The following AAMDC variants were observed in gnomAD, a reference collection of about 807,000 sequenced individuals.
AAMDC encodes the protein adipogenesis associated Mth938 domain containing.
AAMDC carries 16 observed loss-of-function variants against 15.5 expected under a neutral mutation model. The ratio of observed to expected loss-of-function variants is 1.03; its 90% CI spans 0.70 to 1.57. AAMDC has a LOEUF of 1.57. Ranked by LOEUF, AAMDC falls within the 40% of genes most tolerant of loss-of-function variation. The probability of loss-of-function intolerance (pLI) is 0.00; values close to 1 mark genes in which losing one functional copy is unlikely to be tolerated. For synonymous variants in AAMDC, 51 were observed against 51.6 expected (o/e 0.99, Z 0.05); for missense variants, 141 against 144.9 (o/e 0.97, Z 0.14).
intron 5 of AAMDC, among the ~76,000 whole-genome samples, chr11:77,887,962 T>G (rs1404229921): frequency 2.6e-5 from 4 of 152,126 alleles, no homozygotes; most frequent in Non-Finnish European, 1.5e-5. Flanking sequence ...TGCTCATGGG[T>G]AGGAAGAATC....
At chr11:77,898,453 C>A (rs1400643384) in intron 5 of AAMDC, among the ~76,000 whole-genome samples, 1 of 152,162 alleles carries the variant, frequency 6.6e-6, no homozygotes, top group South Asian at 2.1e-4. Flanking sequence ...TGAGCCACTG[C>A]GCCCGGCCAA....
intron 5 of AAMDC, chr11:77,884,664 G>A (rs1951923098): frequency 4.5e-6 from 1 of 223,302 alleles, no homozygotes; most frequent in South Asian, 5.7e-5. Context: ...GGTCAATGTT[G>A]AAACTGCGGA....
At chr11:77,850,640 T>C (rs2136187344) in intron 2 of AAMDC, 1 of 152,296 alleles carries the variant, frequency 6.6e-6, no homozygotes, top group Non-Finnish European at 1.5e-5. Flanking sequence ...CAACTTTTTA[T>C]TTTGAAAAAT....
intron 1 of AAMDC, among the ~76,000 whole-genome samples, chr11:77,840,466 T>C (rs1033295012): frequency 3.2e-4 from 49 of 152,068 alleles, no homozygotes; most frequent in African/African-American, 1.2e-3. Context: ...GAGGTGGAGG[T>C]TGCAGTGAGC....
chr11:77,821,919 T>TAA (rs1366751894), intron 1 of AAMDC, among the ~76,000 whole-genome samples: 3 of 152,056 alleles, frequency 2.0e-5, no homozygotes, highest in African/African-American at 7.2e-5. Flanking sequence ...TTTGAACTCC[T>TAA]TAGAGTGGGG....
chr11:77,840,680 A>T (rs2136127801), intron 1 of AAMDC, among the ~76,000 whole-genome samples: 1 of 152,296 alleles, frequency 6.6e-6, no homozygotes, highest in Non-Finnish European at 1.5e-5. Flanking sequence ...ATGTGCTGGG[A>T]TTACAGGCAT....
downstream of AAMDC, among the ~76,000 whole-genome samples, chr11:77,902,377 T>C (rs1208450952): frequency 2.0e-5 from 3 of 152,210 alleles, no homozygotes; most frequent in Non-Finnish European, 2.9e-5. Context: ...ATCCTTCCAA[T>C]GTGGCTCAAT....
chr11:77,889,263 A>G (rs1246445809), intron 5 of AAMDC, among the ~76,000 whole-genome samples: 1 of 152,082 alleles, frequency 6.6e-6, no homozygotes, highest in African/African-American at 2.4e-5. Flanking sequence ...TGATGAAACT[A>G]GAAACCATCA....
intron 5 of AAMDC, among the ~76,000 whole-genome samples, chr11:77,886,828 C>A (rs974304671): frequency 6.6e-6 from 1 of 152,138 alleles, no homozygotes; most frequent in African/African-American, 2.4e-5. Flanking sequence ...GGAAACTGAA[C>A]AACCTGCTCC....
intron 2 of AAMDC, among the ~76,000 whole-genome samples, chr11:77,865,444 T>G (rs1029829836): frequency 6.6e-6 from 1 of 152,188 alleles, no homozygotes; most frequent in Non-Finnish European, 1.5e-5. Context: ...ATGGCAGGGC[T>G]CTAACTTGCA....
intron 2 of AAMDC, among the ~76,000 whole-genome samples, chr11:77,858,244 G>C (rs1433030116): frequency 6.8e-6 from 1 of 147,998 alleles, no homozygotes. Flanking sequence ...ACCCAGGCTG[G>C]AGTGCAGTTG....
At chr11:77,862,290 C>T (rs964992027) in intron 2 of AAMDC, among the ~76,000 whole-genome samples, 3 of 152,208 alleles carry the variant, frequency 2.0e-5, no homozygotes, top group Non-Finnish European at 4.4e-5. Context: ...GATGGCACTT[C>T]TCTCATTTGG....
intron 2 of AAMDC, among the ~76,000 whole-genome samples, chr11:77,842,878 T>C (rs1949992841): frequency 6.6e-6 from 1 of 152,358 alleles, no homozygotes; most frequent in South Asian, 2.1e-4. Context: ...TTCCAGAATA[T>C]ATTTATCACC....
downstream of AAMDC, among the ~76,000 whole-genome samples, chr11:77,876,218 G>A (rs912140146): frequency 2.6e-5 from 4 of 152,122 alleles, no homozygotes; most frequent in African/African-American, 9.7e-5. Flanking sequence ...CTGGGTGCAT[G>A]CTAGACCACT....
chr11:77,877,016 G>A (rs1251719423), downstream of AAMDC: 2 of 703,046 alleles, frequency 2.8e-6, no homozygotes, highest in African/African-American at 3.5e-5. Context: ...CCTGGCTACA[G>A]CTTCATGGCA....
chr11:77,826,976 A>G (rs1235480557), intron 1 of AAMDC, among the ~76,000 whole-genome samples: 2 of 152,042 alleles, frequency 1.3e-5, no homozygotes, highest in Non-Finnish European at 2.9e-5. Flanking sequence ...GTGGTGGCAC[A>G]CACCCGTCGT....
downstream of AAMDC, chr11:77,903,432 C>T: frequency 6.2e-7 from 1 of 1,607,822 alleles, no homozygotes; most frequent in Non-Finnish European, 8.5e-7. Context: ...CACAACTTTT[C>T]CTGCAAGGCC....
At chr11:77,847,309 T>C (rs542946415) in intron 2 of AAMDC, among the ~76,000 whole-genome samples, 11 of 152,362 alleles carry the variant, frequency 7.2e-5, no homozygotes, top group African/African-American at 2.6e-4. Flanking sequence ...AGGATGTTTA[T>C]TTTTATCTGG....
chr11:77,846,367 A>G (rs1950147766), intron 2 of AAMDC, among the ~76,000 whole-genome samples: 1 of 152,186 alleles, frequency 6.6e-6, no homozygotes. Flanking sequence ...GCCTGTGATC[A>G]CAGCACTTTG....
Sources: allele counts gnomAD v4.1 joint callset (sites outside exome capture counted in the v4.1 genomes callset), GRCh38; gene constraint gnomAD v4.1.1; transcripts MANE v1.5; gene names NCBI Gene and HGNC (gene_info 2026-07-23, HGNC 2026-07-21).